The following SLC14A2 variants were observed in gnomAD, a reference collection of about 807,000 sequenced individuals.
The protein encoded by SLC14A2 is urea transporter 2.
Under a neutral mutation model 104.6 loss-of-function variants are expected in SLC14A2, and 91 were observed. That is an observed-to-expected ratio of 0.87 (90% CI 0.73 to 1.04). SLC14A2 has a LOEUF of 1.04. Among genes scored for constraint, SLC14A2 ranks in the 50% least tolerant of loss-of-function variants. The pLI is 0.00. For synonymous variants in SLC14A2, 476 were observed against 466.4 expected (o/e 1.02, Z -0.27); for missense variants, 1,189 against 1,156.0 (o/e 1.03, Z -0.41).
chr18:45,266,973 A>G (rs892519074), intron 1 of SLC14A2, among the ~76,000 whole-genome samples: 4 of 152,182 alleles, frequency 2.6e-5, no homozygotes, highest in African/African-American at 9.7e-5. Flanking sequence ...AACATGACAT[A>G]GATCTGAAGG....
intron 1 of SLC14A2, among the ~76,000 whole-genome samples, chr18:45,305,807 A>G (rs866448048): frequency 1.3e-5 from 2 of 152,166 alleles, no homozygotes; most frequent in African/African-American, 4.8e-5. Flanking sequence ...AATTCCAGAC[A>G]TGGCTGATCC....
rs989357635 is a variant in SLC14A2, at chr18:45,287,624, G to A, written c.-125+74433G>A. ...GATGGAAGCAGAGGCCACAGAGTGG[G>A]CATGAAAACTAAATGATCACTCCTC... On this transcript the variant is annotated intron_variant, in intron 1 of 20. Transcript: ENST00000586448. Among the ~76,000 whole-genome samples the A allele has an allele frequency of 4.6e-5, 7 of 152,190 alleles. No individual in the cohort carries two copies. In the East Asian group the frequency reaches 1.3e-3, roughly 29 times the overall value.
At chr18:45,567,934 A>G (rs561047671) in intron 2 of SLC14A2, among the ~76,000 whole-genome samples, 1 of 152,268 alleles carries the variant, frequency 6.6e-6, no homozygotes, top group South Asian at 2.1e-4. Context: ...AACCTGTTCT[A>G]CAGTTCCTGG....
chr18:45,613,441 G>A (rs2045005629), upstream of SLC14A2, among the ~76,000 whole-genome samples: 1 of 152,220 alleles, frequency 6.6e-6, no homozygotes, highest in African/African-American at 2.4e-5. Flanking sequence ...GTAACAGGCA[G>A]AGGTTGGAAC....
At chr18:45,366,578 TCTC>T (rs1220663652) in intron 1 of SLC14A2, among the ~76,000 whole-genome samples, 3 of 152,242 alleles carry the variant, frequency 2.0e-5, no homozygotes, top group East Asian at 3.9e-4. Context: ...TATAGTGCCT[TCTC>T]CTCTCCTATC....
chr18:45,583,088 G>A (rs1290889736), intron 2 of SLC14A2, among the ~76,000 whole-genome samples: 2 of 152,174 alleles, frequency 1.3e-5, no homozygotes, highest in Non-Finnish European at 2.9e-5. Flanking sequence ...ATTGGAGAAG[G>A]GAAGCAGGAA....
At chr18:45,637,245 C>A in intron 6 of SLC14A2, 63 bp downstream of exon 6, 1 of 1,349,450 alleles carries the variant, frequency 7.4e-7, no homozygotes, top group Non-Finnish European at 1.0e-6. Context: ...TCTCGCCAAC[C>A]AATTTGTGGA....
chr18:45,249,017 C>T (rs758703824), intron 1 of SLC14A2, among the ~76,000 whole-genome samples: 1 of 152,106 alleles, frequency 6.6e-6, no homozygotes, highest in Non-Finnish European at 1.5e-5. Flanking sequence ...CCCTTTAGTG[C>T]CTTTTCAAGG....
intron 1 of SLC14A2, among the ~76,000 whole-genome samples, chr18:45,414,757 A>AAAAAAAAAAAAATAT (rs1360051908): frequency 3.9e-5 from 3 of 76,122 alleles, no homozygotes; most frequent in East Asian, 3.8e-4. Flanking sequence ...AAAAAAAAAA[A>AAAAAAAAAAAAATAT]ATATATATAT....
rs138371043 is a variant in SLC14A2 at position 45,657,671 on chromosome 18, T to A, written c.1352-6114T>A. Among the ~76,000 whole-genome samples, 4 of 152,230 alleles carry A rather than the reference T, an allele frequency of 2.6e-5. No individual in the cohort carries two copies. In the East Asian group the frequency reaches 7.7e-4, roughly 29 times the overall value. On this transcript the variant is annotated intron_variant, in intron 10 of 19. Coordinates refer to ENST00000255226, the MANE Select transcript of SLC14A2 (RefSeq NM_007163.4). Reference sequence around the variant, plus strand: ...CAAGATAAGAGAGAAGAGACACCTATGTCTTATCTACACTCAGCTCTGCCA... The same window carrying A: ...CAAGATAAGAGAGAAGAGACACCTAAGTCTTATCTACACTCAGCTCTGCCA...
chr18:45,349,970 A>G (rs2085486118), intron 1 of SLC14A2, among the ~76,000 whole-genome samples: 1 of 152,232 alleles, frequency 6.6e-6, no homozygotes, highest in Non-Finnish European at 1.5e-5. Context: ...AATAATCAAT[A>G]TTATCAACTT....
At chr18:45,377,478 C>T (rs993353297) in intron 1 of SLC14A2, among the ~76,000 whole-genome samples, 5 of 152,190 alleles carry the variant, frequency 3.3e-5, no homozygotes, top group African/African-American at 1.2e-4. Context: ...GTCCTACCAG[C>T]ACCTCAGAAC....
At chr18:45,420,866 G>A (rs532683349) in intron 1 of SLC14A2, among the ~76,000 whole-genome samples, 25 of 151,318 alleles carry the variant, frequency 1.7e-4, no homozygotes, top group Admixed American at 6.6e-4. Flanking sequence ...TCAACCTCCC[G>A]AGTAGGTGGG....
chr18:45,382,459 C>A (rs527984097), intron 1 of SLC14A2, among the ~76,000 whole-genome samples: 1 of 152,154 alleles, frequency 6.6e-6, no homozygotes, highest in Non-Finnish European at 1.5e-5. Flanking sequence ...TGTATGTTAG[C>A]ATTAGTCTCC....
chr18:45,419,659 A>G (rs1406333953), intron 1 of SLC14A2, among the ~76,000 whole-genome samples: 1 of 151,984 alleles, frequency 6.6e-6, no homozygotes, highest in Non-Finnish European at 1.5e-5. Context: ...CTGTAATCCC[A>G]GTGACTCTGG....
intron 1 of SLC14A2, among the ~76,000 whole-genome samples, chr18:45,622,951 T>A (rs2045199075): frequency 6.6e-6 from 1 of 152,232 alleles, no homozygotes; most frequent in Non-Finnish European, 1.5e-5. Context: ...TCTAGCCATG[T>A]TCAGTTGTTT....
chr18:45,626,170 G>C (rs1356484589), intron 3 of SLC14A2, among the ~76,000 whole-genome samples: 1 of 152,160 alleles, frequency 6.6e-6, no homozygotes, highest in Non-Finnish European at 1.5e-5. Flanking sequence ...AACCATATTA[G>C]CAACATATAA....
At position 45,682,814 on chromosome 18, in the gene SLC14A2, G is replaced by A. The variant is rs2046331784; in HGVS notation, c.*295G>A. 2.9e-6 allele frequency: 1 copy of A among 339,166 alleles called. No homozygotes were observed. The highest frequency in any genetic ancestry group is 2.9e-5 in the South Asian group (1 of 34,792). The allele number at this position is 339,166 out of a possible 1,614,324, so 21.0% of individuals were successfully genotyped here. On this transcript the variant is annotated 3_prime_UTR_variant, in exon 20 of 20. Coordinates refer to ENST00000255226, the MANE Select transcript of SLC14A2 (RefSeq NM_007163.4). ...CCTCATCCTTAAAGAGAAGTCACCG[G>A]CCGGGCACGGTGGCTCACGCCTGTA...
intron 10 of SLC14A2, among the ~76,000 whole-genome samples, chr18:45,645,907 T>C (rs544762549): frequency 6.6e-6 from 1 of 152,190 alleles, no homozygotes; most frequent in South Asian, 2.1e-4. Flanking sequence ...TGGTGGGCGG[T>C]GCACAGGCCC....
Sources: gnomAD v4.1 joint callset for allele counts (sites outside exome capture counted in the v4.1 genomes callset) on GRCh38, gnomAD v4.1.1 for gene constraint, MANE v1.5 for transcripts, NCBI Gene and HGNC (gene_info 2026-07-23, HGNC 2026-07-21) for gene names.